Variants in CTNNA3 observed in about 807,000 individuals in gnomAD.
CTNNA3 encodes catenin alpha 3, also known as catenin alpha-3.
Under a neutral mutation model 95.7 loss-of-function variants are expected in CTNNA3, and 76 were observed. That is an observed-to-expected ratio of 0.79 (90% CI 0.66 to 0.96). The LOEUF (loss-of-function observed/expected upper bound fraction) is 0.96, where lower values mean the gene tolerates loss of function less well. Ranked by LOEUF, CTNNA3 falls within the 40% of genes least tolerant of loss-of-function variation. The pLI is 0.00. For missense variants in CTNNA3, 1,191 were observed against 1,089.8 expected, an observed-to-expected ratio of 1.09 and a Z score of -1.31; for synonymous variants, 431 against 374.4, an observed-to-expected ratio of 1.15 and a Z score of -1.74.
intron 2 of CTNNA3, among the ~76,000 whole-genome samples, chr10:67,609,709 A>G (rs1209381042): frequency 6.6e-6 from 1 of 152,194 alleles, no homozygotes; most frequent in Non-Finnish European, 1.5e-5. Flanking sequence ...ATAATATGAC[A>G]CAAATATTTG....
chr10:67,097,879 C>CT (rs1858107595), intron 7 of CTNNA3: 2 of 1,239,892 alleles, frequency 1.6e-6, no homozygotes, highest in South Asian at 2.6e-5. Flanking sequence ...ATTGTGGACT[C>CT]TAAAAACAAA....
chr10:66,965,564 TG>T (rs762230603), intron 7 of CTNNA3, among the ~76,000 whole-genome samples: 2 of 22,876 alleles, frequency 8.7e-5, no homozygotes, highest in Non-Finnish European at 3.7e-4. Context: ...AAAAAAAAGC[TG>T]TTTTTTTTTT....
Position 66,621,674 on chromosome 10 carries a change from G to GT in CTNNA3, c.1374+17dup. The GT allele has an allele frequency of 2.8e-6, 4 of 1,439,750 alleles. No homozygotes were observed. Among genetic ancestry groups the GT allele is most frequent in the Non-Finnish European group, 3.9e-6 (4 of 1,038,316 alleles). The allele number at this position is 1,439,750 out of a possible 1,614,324, so 89.2% of individuals were successfully genotyped here. A position where few individuals can be genotyped will look rare whatever the true frequency, so the allele number is the denominator to read the frequency against. On this transcript the variant is annotated intron_variant, in intron 10 of 17. Transcript: ENST00000433211. ...TTATATATAATTTTACACACAAAAA[G>GT]TAACTTAGTTGTCATACCTGTGGAC...
chr10:66,759,117 T>A (rs1199750398), intron 9 of CTNNA3, among the ~76,000 whole-genome samples: 1 of 152,102 alleles, frequency 6.6e-6, no homozygotes, highest in Non-Finnish European at 1.5e-5. Flanking sequence ...GAAGTGAAAT[T>A]TTCAAAAGGA....
Position 67,000,509 on chromosome 10 carries a change from G to C in CTNNA3, c.1047+179808C>G, listed in dbSNP as rs546937861. ...GGTCTTCCACTTAATTGGGCTTAAGGCCAGTTCAGTAATCACAAAATTACA... is the reference window on the plus strand; with the variant it reads ...GGTCTTCCACTTAATTGGGCTTAAGCCCAGTTCAGTAATCACAAAATTACA... On this transcript the variant is annotated intron_variant, in intron 7 of 17. Coordinates refer to ENST00000433211, the MANE Select transcript of CTNNA3 (RefSeq NM_013266.4). 4.6e-5 allele frequency among the ~76,000 whole-genome samples: 7 copies of C among 152,234 alleles called. No homozygotes were observed. In the South Asian group the frequency reaches 1.5e-3, roughly 32 times the overall value.
At chr10:66,712,358 T>C (rs957638891) in intron 9 of CTNNA3, among the ~76,000 whole-genome samples, 1 of 152,124 alleles carries the variant, frequency 6.6e-6, no homozygotes, top group African/African-American at 2.4e-5. Flanking sequence ...AATTAAATGA[T>C]AGGCAAACAT....
At chr10:66,712,408 G>A (rs1160878044) in intron 9 of CTNNA3, among the ~76,000 whole-genome samples, 1 of 152,106 alleles carries the variant, frequency 6.6e-6, no homozygotes, top group Non-Finnish European at 1.5e-5. Flanking sequence ...GTCCCAAAGA[G>A]CTGTTATCCC....
At chr10:67,534,044 A>G (rs1840417001) in intron 4 of CTNNA3, among the ~76,000 whole-genome samples, 1 of 151,962 alleles carries the variant, frequency 6.6e-6, no homozygotes, top group African/African-American at 2.4e-5. Flanking sequence ...AGGAACTTGT[A>G]TAAGTGTCAG....
chr10:67,185,006 C>T (rs1362084569), intron 6 of CTNNA3, among the ~76,000 whole-genome samples: 1 of 152,022 alleles, frequency 6.6e-6, no homozygotes, highest in Admixed American at 6.6e-5. Flanking sequence ...TTTTTGAAGG[C>T]CCCTTATATA....
At chr10:66,591,586 AC>A (rs1843553296) in intron 10 of CTNNA3, among the ~76,000 whole-genome samples, 1 of 151,876 alleles carries the variant, frequency 6.6e-6, no homozygotes. Context: ...CCTGAAACTT[AC>A]CCCTCTTTTA....
At chr10:65,987,473 T>C (rs1454839775) in intron 16 of CTNNA3, among the ~76,000 whole-genome samples, 1 of 151,924 alleles carries the variant, frequency 6.6e-6, no homozygotes, top group East Asian at 1.9e-4. Context: ...AAAAGCACAA[T>C]AAGATATCAT....
chr10:67,496,528 T>G (rs1839029163), intron 5 of CTNNA3, among the ~76,000 whole-genome samples: 1 of 152,196 alleles, frequency 6.6e-6, no homozygotes, highest in Non-Finnish European at 1.5e-5. Context: ...CTCTGTTGTC[T>G]ACTCCAGCAC....
intron 6 of CTNNA3, among the ~76,000 whole-genome samples, chr10:67,185,835 CA>C (rs1463884768): frequency 3.3e-5 from 5 of 151,954 alleles, no homozygotes; most frequent in Non-Finnish European, 5.9e-5. Flanking sequence ...GCCTGGCCAA[CA>C]TGGTGAAACA....
At chr10:66,811,240 C>T (rs1222790276) in intron 7 of CTNNA3, among the ~76,000 whole-genome samples, 1 of 152,090 alleles carries the variant, frequency 6.6e-6, no homozygotes, top group African/African-American at 2.4e-5. Context: ...ACAACAAGGG[C>T]ACATAAGATT....
chr10:66,419,022 C>A (rs1293337632), intron 11 of CTNNA3, among the ~76,000 whole-genome samples: 6 of 151,952 alleles, frequency 3.9e-5, no homozygotes, highest in Non-Finnish European at 5.9e-5. Flanking sequence ...AAAGTCCTAG[C>A]CAGAGTAATC....
Position 67,553,721 on chromosome 10 carries a change from T to C in CTNNA3, c.293-14052A>G, listed in dbSNP as rs918422662. On this transcript the variant is annotated intron_variant, in intron 3 of 17. Transcript: ENST00000433211. ...TCAAGAATACAATAGAAATGAATTA[T>C]ATTTTGAGGGTCAAATGACCAGTCA... is the stretch of plus-strand genomic sequence containing the variant. Among the ~76,000 whole-genome samples the C allele has an allele frequency of 5.9e-5, 9 of 152,254 alleles. No homozygotes were observed. In the East Asian group the frequency reaches 1.5e-3, roughly 26 times the overall value.
At chr10:67,747,586 T>G (rs1320015775) in intron 1 of CTNNA3, among the ~76,000 whole-genome samples, 3 of 152,024 alleles carry the variant, frequency 2.0e-5, no homozygotes, top group Non-Finnish European at 2.9e-5. Context: ...AAAAAGGTCT[T>G]CACAAAAACC....
intron 12 of CTNNA3, among the ~76,000 whole-genome samples, chr10:66,360,816 C>T (rs4369298): frequency 0.46 from 22,604 of 48,866 alleles, 6,379 homozygotes; most frequent in Non-Finnish European, 0.62. Context: ...TTCCTTCCTT[C>T]CTTTCTTTCT....
intron 10 of CTNNA3, among the ~76,000 whole-genome samples, chr10:66,595,137 C>T (rs1180010617): frequency 2.0e-5 from 3 of 152,024 alleles, no homozygotes; most frequent in Admixed American, 6.6e-5. Flanking sequence ...TAAGATTCCA[C>T]TGTTCCAGCA....
Sources: gnomAD v4.1 joint callset for allele counts (sites outside exome capture counted in the v4.1 genomes callset) on GRCh38, gnomAD v4.1.1 for gene constraint, MANE v1.5 for transcripts, NCBI Gene and HGNC (gene_info 2026-07-23, HGNC 2026-07-21) for gene names.